PPP2R2C: variants seen among roughly 807,000 people sequenced by gnomAD.
The protein encoded by PPP2R2C is protein phosphatase 2, regulatory subunit B, gamma.
In PPP2R2C, 10 loss-of-function variants were observed where a neutral mutation model predicts 45.3. That is an observed-to-expected ratio of 0.22 (90% CI 0.14 to 0.37). The LOEUF is 0.37. Ranked by LOEUF, PPP2R2C falls within the 10% of genes least tolerant of loss-of-function variation. The pLI, the probability that PPP2R2C is intolerant of heterozygous loss-of-function variation, is 1.00. For synonymous variants in PPP2R2C, 257 were observed against 245.4 expected (o/e 1.05, Z -0.44); for missense variants, 308 against 619.7 (o/e 0.50, Z 5.34).
At chr4:6,407,826 C>G (rs998412857) in intron 1 of PPP2R2C, among the ~76,000 whole-genome samples, 1 of 152,206 alleles carries the variant, frequency 6.6e-6, no homozygotes, top group Admixed American at 6.5e-5. Context: ...GTAAAGCCAT[C>G]ATTTAGTGCT....
At chr4:6,524,975 C>G (rs1203303479) in intron 2 of PPP2R2C, among the ~76,000 whole-genome samples, 1 of 152,116 alleles carries the variant, frequency 6.6e-6, no homozygotes, top group Non-Finnish European at 1.5e-5. Context: ...AAATTAGCTA[C>G]TTGGAGAGGC....
At chr4:6,385,542 G>T (rs1358688628) in intron 1 of PPP2R2C, among the ~76,000 whole-genome samples, 2 of 151,938 alleles carry the variant, frequency 1.3e-5, no homozygotes, top group Non-Finnish European at 2.9e-5. Flanking sequence ...CAGTTAAGTG[G>T]TCTCTCCTAC....
intron 1 of PPP2R2C, among the ~76,000 whole-genome samples, chr4:6,403,882 T>G (rs1385181066): frequency 4.2e-5 from 6 of 142,378 alleles, no homozygotes; most frequent in Non-Finnish European, 7.6e-5. Context: ...AAAAAAAAAG[T>G]ACAACAAATC....
intron 6 of PPP2R2C, among the ~76,000 whole-genome samples, chr4:6,337,085 G>T: frequency 1.2e-5 from 1 of 85,680 alleles, no homozygotes; most frequent in Non-Finnish European, 2.3e-5. Flanking sequence ...TAATTAAATT[G>T]GCATCTTTGT....
At chr4:6,341,116 C>G (rs181264971) in intron 6 of PPP2R2C, among the ~76,000 whole-genome samples, 5 of 152,310 alleles carry the variant, frequency 3.3e-5, no homozygotes, top group Admixed American at 3.3e-4. Flanking sequence ...CCGAAGTGGA[C>G]AGATCACCTG....
intron 2 of PPP2R2C, among the ~76,000 whole-genome samples, chr4:6,495,970 C>T (rs553723081): frequency 3.9e-5 from 6 of 152,208 alleles, no homozygotes; most frequent in South Asian, 4.1e-4. Context: ...GGCCCCCTCC[C>T]GGCTCTCCAT....
intron 5 of PPP2R2C, among the ~76,000 whole-genome samples, chr4:6,362,178 T>C (rs1029795854): frequency 6.6e-6 from 1 of 151,830 alleles, no homozygotes; most frequent in South Asian, 2.1e-4. Flanking sequence ...AGAGGGAGCA[T>C]AGGCTCTGTC....
At chr4:6,533,673 T>C (rs1175316358) in intron 2 of PPP2R2C, among the ~76,000 whole-genome samples, 2 of 152,222 alleles carry the variant, frequency 1.3e-5, no homozygotes, top group Non-Finnish European at 2.9e-5. Flanking sequence ...TAAGACTCTC[T>C]GAAGATGTTG....
At chr4:6,401,757 AG>A in intron 1 of PPP2R2C, among the ~76,000 whole-genome samples, 1 of 152,280 alleles carries the variant, frequency 6.6e-6, no homozygotes. Flanking sequence ...GAACTCACAG[AG>A]GAAAGTCACA....
intron 2 of PPP2R2C, among the ~76,000 whole-genome samples, chr4:6,508,653 G>T (rs1447163521): frequency 6.6e-6 from 1 of 152,154 alleles, no homozygotes; most frequent in African/African-American, 2.4e-5. Flanking sequence ...CTTCCTGACA[G>T]GATCTGAGTT....
At position 6,324,614 on chromosome 4, in the gene PPP2R2C, C is replaced by T. The variant is rs1206650335; in HGVS notation, c.1053-1021G>A. Among the ~76,000 whole-genome samples the T allele has an allele frequency of 6.6e-6, 1 of 152,160 alleles. No homozygotes were observed. Among genetic ancestry groups the T allele is most frequent in the African/African-American group, 2.4e-5 (1 of 41,448 alleles). ...GGCCCGCCTGTCCCGAGGACTCGGG[C>T]GAATAAACAAACATGCATCGCCATG... On this transcript the variant is annotated intron_variant, in intron 8 of 8. Transcript: ENST00000382599. The surrounding 1 kb of genome is among the most constrained non-coding windows in gnomAD (Gnocchi z 4.1).
intron 1 of PPP2R2C, among the ~76,000 whole-genome samples, chr4:6,553,064 C>T (rs1297378623): frequency 6.6e-6 from 1 of 152,202 alleles, no homozygotes; most frequent in African/African-American, 2.4e-5. Context: ...GGACTAAGGG[C>T]AAGGACAGGA....
intron 5 of PPP2R2C, among the ~76,000 whole-genome samples, chr4:6,371,675 T>C (rs1170461705): frequency 6.6e-6 from 1 of 152,204 alleles, no homozygotes; most frequent in Admixed American, 6.5e-5. Flanking sequence ...CAAGTTAACT[T>C]GAGTGCTCTG....
chr4:6,452,089 G>A (rs1261792302), intron 1 of PPP2R2C, among the ~76,000 whole-genome samples: 1 of 152,152 alleles, frequency 6.6e-6, no homozygotes, highest in Non-Finnish European at 1.5e-5. Flanking sequence ...GTGTAAGTGT[G>A]GGGAGGTTGG....
chr4:6,323,760 A>T (rs1731718933), intron 8 of PPP2R2C, among the ~76,000 whole-genome samples, 167 bp from the exon 9 acceptor site: 1 of 151,552 alleles, frequency 6.6e-6, no homozygotes, highest in Admixed American at 6.6e-5. Flanking sequence ...ACATAGCGAG[A>T]CTCCACCTCT....
At chr4:6,350,378 G>A (rs1460914569) in intron 5 of PPP2R2C, 33 of 985,316 alleles carry the variant, frequency 3.3e-5, no homozygotes, top group African/African-American at 2.4e-4. Context: ...GAAATGTCAC[G>A]CACATTAGTG....
chr4:6,449,913 C>T (rs1056176502), intron 1 of PPP2R2C, among the ~76,000 whole-genome samples: 1 of 152,230 alleles, frequency 6.6e-6, no homozygotes, highest in Non-Finnish European at 1.5e-5. Flanking sequence ...GAAAACAGCC[C>T]CACCCCAATC....
chr4:6,353,987 C>A (rs1272134591), intron 5 of PPP2R2C, among the ~76,000 whole-genome samples: 1 of 121,064 alleles, frequency 8.3e-6, no homozygotes, highest in Non-Finnish European at 1.7e-5. Flanking sequence ...CCCATTTCCT[C>A]ATCCCCAGCC....
At chr4:6,352,033 GA>G (rs144485424) in intron 5 of PPP2R2C, among the ~76,000 whole-genome samples, 3 of 152,340 alleles carry the variant, frequency 2.0e-5, no homozygotes, top group Non-Finnish European at 4.4e-5. Context: ...AGCTGTGGGA[GA>G]AGCCTCCGGA....
Sources: allele counts gnomAD v4.1 joint callset (sites outside exome capture counted in the v4.1 genomes callset), GRCh38; gene constraint gnomAD v4.1.1; non-coding constraint Gnocchi (gnomAD v3.1); transcripts MANE v1.5; gene names NCBI Gene and HGNC (gene_info 2026-07-23, HGNC 2026-07-21).